SENP7: variants seen among roughly 807,000 people sequenced by gnomAD.
SENP7 encodes the protein sentrin-specific protease 7.
In SENP7, 64 loss-of-function variants were observed where a neutral mutation model predicts 141.2. The ratio of observed to expected loss-of-function variants is 0.45; its 90% CI spans 0.37 to 0.56. SENP7 has a LOEUF of 0.56. SENP7 is among the 20% of genes least tolerant of loss of function. SENP7 has a pLI of 0.00. For missense variants in SENP7, 1,025 were observed against 1,212.2 expected (o/e 0.85, Z 2.29); for synonymous variants, 382 against 426.4 (o/e 0.90, Z 1.28).
chr3:101,402,012 A>C (rs1419364120), intron 5 of SENP7, among the ~76,000 whole-genome samples: 1 of 152,000 alleles, frequency 6.6e-6, no homozygotes, highest in Non-Finnish European at 1.5e-5. Flanking sequence ...AAAAAAAAAA[A>C]AAAAAAACTA....
chr3:101,433,351 AAAAC>A (rs1016858915), intron 4 of SENP7, among the ~76,000 whole-genome samples: 2 of 151,786 alleles, frequency 1.3e-5, no homozygotes, highest in African/African-American at 4.8e-5. Flanking sequence ...AGGAAAAAAA[AAAAC>A]AAGAAAGAGA....
intron 4 of SENP7, among the ~76,000 whole-genome samples, chr3:101,450,821 A>C (rs2063103307): frequency 1.3e-5 from 2 of 152,204 alleles, no homozygotes; most frequent in Non-Finnish European, 2.9e-5. Context: ...AGCAAGAGCA[A>C]ACATATTCAA....
In SENP7 at chr3:101,366,704, CTGATGATAGTTTTCACTTGGCTTT is replaced by C; in HGVS notation, c.1020_1043del (p.Lys341_Gln348del). ...TAATTTCTTCAGGCAGTTTTGGATC[CTGATGATAGTTTTCACTTGGCTTT>C]TCAAACTCAGTGGATATTGTTGAGT... On this transcript the variant is annotated inframe_deletion, in exon 9 of 24. Transcript: ENST00000394095. 1 of 1,612,252 alleles carries C rather than the reference CTGATGATAGTTTTCACTTGGCTTT, an allele frequency of 6.2e-7. No homozygotes were observed. The highest frequency in any genetic ancestry group is 8.5e-7 in the Non-Finnish European group (1 of 1,179,122).
intron 4 of SENP7, among the ~76,000 whole-genome samples, chr3:101,444,920 A>AT (rs910702796): frequency 1.3e-5 from 2 of 151,736 alleles, no homozygotes; most frequent in Non-Finnish European, 2.9e-5. Flanking sequence ...AAATAAATAA[A>AT]AATAATAATA....
chr3:101,505,449 C>T (rs1221540337), intron 1 of SENP7, among the ~76,000 whole-genome samples: 2 of 152,168 alleles, frequency 1.3e-5, no homozygotes, highest in African/African-American at 4.8e-5. Flanking sequence ...GTGCTTCCAT[C>T]CTGTTTTGTA....
chr3:101,388,943 TA>T (rs576200055), intron 6 of SENP7, among the ~76,000 whole-genome samples: 10 of 149,954 alleles, frequency 6.7e-5, no homozygotes, highest in Admixed American at 4.6e-4. Context: ...AACAGACACA[TA>T]AAAAAAGAAA....
At chr3:101,429,832 T>A (rs2062095611) in intron 4 of SENP7, among the ~76,000 whole-genome samples, 1 of 152,242 alleles carries the variant, frequency 6.6e-6, no homozygotes, top group Admixed American at 6.5e-5. Flanking sequence ...GGGTTTGTCA[T>A]AAATAGCTCT....
Position 101,458,719 on chromosome 3 carries a change from A to C in SENP7, c.284+236T>G, listed in dbSNP as rs528211748. 4 of 340,770 alleles carry C rather than the reference A, an allele frequency of 1.2e-5. No individual in the cohort carries two copies. In the South Asian group the frequency reaches 2.4e-4, roughly 20 times the overall value. 21.1% of individuals were successfully genotyped at this position (340,770 alleles called of 1,614,324 possible). On this transcript the variant is annotated intron_variant, in intron 4 of 23. Coordinates refer to ENST00000394095, the MANE Select transcript of SENP7 (RefSeq NM_020654.5). ...CAATCATCATTATCAGTCTATGTATAACTCTTGCATTATCAGCGAAAGCTT... is the reference window on the plus strand; with the variant it reads ...CAATCATCATTATCAGTCTATGTATCACTCTTGCATTATCAGCGAAAGCTT...
At chr3:101,438,805 A>G (rs922728327) in intron 4 of SENP7, among the ~76,000 whole-genome samples, 4 of 151,226 alleles carry the variant, frequency 2.6e-5, no homozygotes, top group African/African-American at 9.7e-5. Context: ...AAAAAGAATG[A>G]GTATCGGTCT....
rs1013156813 is a variant in SENP7, at chr3:101,338,281, A to G, written c.2358-650T>C. Among the ~76,000 whole-genome samples the G allele has an allele frequency of 2.0e-5, 3 of 152,206 alleles. No homozygotes were observed. The East Asian group carries it at 5.8e-4, about 29-fold the overall frequency. Reference sequence around the variant, plus strand: ...TGCCCCTGTAGAGCCTATAATCCAGAGGAGTGAGGGTAGAAAATATTAATC... The same window carrying G: ...TGCCCCTGTAGAGCCTATAATCCAGGGGAGTGAGGGTAGAAAATATTAATC... On this transcript the variant is annotated intron_variant, in intron 16 of 23. Coordinates refer to ENST00000394095, the MANE Select transcript of SENP7 (RefSeq NM_020654.5).
intron 11 of SENP7, among the ~76,000 whole-genome samples, chr3:101,355,122 G>A (rs1413161342): frequency 6.6e-6 from 1 of 151,942 alleles, no homozygotes; most frequent in East Asian, 1.9e-4. Flanking sequence ...TTAGACCTTT[G>A]TCAGATGCCT....
rs78397267 is a variant in SENP7, at chr3:101,353,121, C to A, written c.1624-1470G>T. 6.2e-4 allele frequency among the ~76,000 whole-genome samples: 95 copies of A among 152,108 alleles called. No homozygotes were observed. The East Asian group carries it at 0.013, about 21-fold the overall frequency. ...AATGTTACATAATTTAATCAAATATCTAATTATTGTTACTTTCATATAACT... is the reference window on the plus strand; with the variant it reads ...AATGTTACATAATTTAATCAAATATATAATTATTGTTACTTTCATATAACT... On this transcript the variant is annotated intron_variant, in intron 11 of 23. Transcript: ENST00000394095.
chr3:101,367,248 C>A (rs1430984533), intron 8 of SENP7, among the ~76,000 whole-genome samples: 2 of 151,938 alleles, frequency 1.3e-5, no homozygotes, highest in African/African-American at 4.8e-5. Flanking sequence ...TAATTACAAC[C>A]CAAAAACATT....
rs2059997080 is a variant in SENP7, at chr3:101,364,975, A to G, written c.1335T>C (p.Asp445=). The change falls in exon 10 of 24, where the codon GAT becomes GAC. Residue 445 remains aspartate (D), a synonymous_variant. Transcript: ENST00000394095. ...TTTTATGTTCAACAGGTCCTTCTTC[A>G]TCACTGGAAACAACAACTAAAACGG... is the stretch of plus-strand genomic sequence containing the variant. ...ISAEPIVVSS[D]EEGPVEHKSS... is the part of the protein sequence containing the mutation. 6.5e-7 allele frequency: 1 copy of G among 1,545,394 alleles called. No individual in the cohort carries two copies. The highest frequency in any genetic ancestry group is 8.7e-7 in the Non-Finnish European group (1 of 1,149,570).
rs2059386513 is a variant in SENP7 at position 101,343,760 on chromosome 3, A to G, written c.2032T>C (p.Tyr678His). The G allele has an allele frequency of 1.2e-6, 2 of 1,613,918 alleles. No individual in the cohort carries two copies. Among genetic ancestry groups the G allele is most frequent in the Middle Eastern group, 1.7e-4 (1 of 6,058 alleles). ...GGGAAAGAACAAGTTGAAACACAGT[A>G]ATAATGAATAAAAGAACTTTCTTTT... ...SSKESSFIHY[Y>H]CVSTCSFPAG... The change falls in exon 14 of 24, where the codon TAC (tyrosine) becomes CAC (histidine). Residue 678 changes from tyrosine (Y) to histidine (H), a missense_variant. This residue lies in a region of SENP7 where 295 missense variants were observed against 459.1 expected (regional missense o/e 0.64). Transcript: ENST00000394095.
chr3:101,468,070 T>C (rs145888182), intron 3 of SENP7, among the ~76,000 whole-genome samples: 1 of 152,270 alleles, frequency 6.6e-6, no homozygotes, highest in African/African-American at 2.4e-5. Context: ...TGCACAAGCT[T>C]CGATAGACAA....
At chr3:101,446,530 T>A (rs1353858651) in intron 4 of SENP7, among the ~76,000 whole-genome samples, 1 of 151,996 alleles carries the variant, frequency 6.6e-6, no homozygotes, top group Non-Finnish European at 1.5e-5. Flanking sequence ...AAAACAAATC[T>A]CAATAATTTT....
intron 6 of SENP7, among the ~76,000 whole-genome samples, chr3:101,396,788 G>A (rs144307232): frequency 3.9e-5 from 6 of 152,104 alleles, no homozygotes; most frequent in African/African-American, 1.4e-4. Context: ...CAGAGGAGGT[G>A]GAAATAAACA....
rs1406108460 is a variant in SENP7, at chr3:101,324,982, A to T, written c.*961T>A. On this transcript the variant is annotated 3_prime_UTR_variant, in exon 24 of 24. Coordinates refer to ENST00000394095, the MANE Select transcript of SENP7 (RefSeq NM_020654.5). ...ACAATTTAAAAATATAAAAGCAATGAGAGCAATCTGGCTTTGCAGATGAAT... is the reference window on the plus strand; with the variant it reads ...ACAATTTAAAAATATAAAAGCAATGTGAGCAATCTGGCTTTGCAGATGAAT... The T allele has an allele frequency of 6.6e-6, 1 of 152,024 alleles. No homozygotes were observed. Among genetic ancestry groups the T allele is most frequent in the Non-Finnish European group, 1.5e-5 (1 of 67,946 alleles). The allele number at this position is 152,024 out of a possible 1,614,324, so 9.4% of individuals were successfully genotyped here. A position where few individuals can be genotyped will look rare whatever the true frequency, so the allele number is the denominator to read the frequency against.
Sources: allele counts gnomAD v4.1 joint callset (sites outside exome capture counted in the v4.1 genomes callset), GRCh38; gene constraint gnomAD v4.1.1; regional missense constraint gnomAD v4.1.1; transcripts MANE v1.5; gene names NCBI Gene and HGNC (gene_info 2026-07-23, HGNC 2026-07-21).